Variants in MACF1 observed in about 807,000 individuals in gnomAD.
MACF1 encodes the protein microtubule actin crosslinking factor 1, also known as microtubule-actin cross-linking factor 1.
In MACF1, 193 loss-of-function variants were observed where a neutral mutation model predicts 854.8. The observed-to-expected ratio is 0.23, with a 90% confidence interval of 0.20 to 0.25. The LOEUF (loss-of-function observed/expected upper bound fraction) is 0.25. Ranked by LOEUF, MACF1 falls within the 10% of genes least tolerant of loss-of-function variation. The pLI, the probability that MACF1 is intolerant of heterozygous loss-of-function variation, is 1.00. For missense variants in MACF1, 7,722 were observed against 8,929.1 expected (o/e 0.86, Z 5.45); for synonymous variants, 3,185 against 3,226.7 (o/e 0.99, Z 0.44).
Position 39,356,622 on chromosome 1 carries a change from C to T in MACF1, c.11425-753C>T, listed in dbSNP as rs190683284. ...TCTTGACCTTGTGATCTGCCAGCCT[C>T]GGCCTCCCAAAGTACTGGGATTACA... On this transcript the variant is annotated intron_variant, in intron 44 of 100. Coordinates refer to ENST00000564288, the MANE Select transcript of MACF1 (RefSeq NM_001394062.1). Among the ~76,000 whole-genome samples the T allele has an allele frequency of 7.9e-4, 120 of 152,262 alleles. 3 individuals carry two copies. In the East Asian group the frequency reaches 0.018, roughly 23 times the overall value.
At chr1:39,225,801 A>G (rs1284138749) in intron 1 of MACF1, among the ~76,000 whole-genome samples, 10 of 152,206 alleles carry the variant, frequency 6.6e-5, no homozygotes, top group South Asian at 2.1e-4. Context: ...CTAACCTTCA[A>G]TGTTAGTCAG....
chr1:39,324,519 C>T, intron 34 of MACF1, 127 bp from the exon 35 acceptor site: 1 of 1,026,710 alleles, frequency 9.7e-7, no homozygotes, highest in Non-Finnish European at 1.4e-6. Context: ...TCAGCTGTAG[C>T]TCATTGGTGA....
chr1:39,443,738 ATACCT>A (rs1461343898), intron 79 of MACF1, among the ~76,000 whole-genome samples, 164 bp downstream of exon 79: 1 of 152,224 alleles, frequency 6.6e-6, no homozygotes, highest in Non-Finnish European at 1.5e-5. Flanking sequence ...CAGGCTTCTA[ATACCT>A]TACAGTAGGC....
At chr1:39,380,416 T>A in intron 55 of MACF1, 43 bp downstream of exon 55, 1 of 1,572,784 alleles carries the variant, frequency 6.4e-7, no homozygotes, top group Non-Finnish European at 8.6e-7. Context: ...AAGTTACTTG[T>A]CTTCAAAGCA....
At chr1:39,477,696 CAA>C (rs1644935434) in intron 97 of MACF1, among the ~76,000 whole-genome samples, 1 of 151,902 alleles carries the variant, frequency 6.6e-6, no homozygotes, top group Non-Finnish European at 1.5e-5. Flanking sequence ...GGTCGGGGGA[CAA>C]AGAGGACAAC....
At chr1:39,269,139 C>T in intron 6 of MACF1, 1 of 1,289,832 alleles carries the variant, frequency 7.8e-7, no homozygotes, top group Non-Finnish European at 1.0e-6. Flanking sequence ...TGCTCACCTG[C>T]TTGATAACCC....
intron 33 of MACF1, 44 bp from the exon 34 acceptor site, chr1:39,324,149 T>A: frequency 1.9e-6 from 3 of 1,551,102 alleles, no homozygotes; most frequent in Non-Finnish European, 1.7e-6. Context: ...GCCAGCCTAA[T>A]AAAAGACATT....
rs752954383 is a variant in MACF1, at chr1:39,428,262, T to C, written c.16778T>C (p.Leu5593Pro). ...GTAAAGGATTTCAAACAGGATGTCC[T>C]GCACAGGCAGCATGCTGACCACCTG... is the stretch of plus-strand genomic sequence containing the variant. ...VFVKDFKQDV[L>P]HRQHADHLAL... The change falls in exon 63 of 101, where the codon CTG becomes CCG. Residue 5593 changes from leucine to proline, a missense_variant. Around this residue, in one of 15 missense-constraint regions of MACF1, gnomAD observed 2,807 missense variants for 3,235.8 expected, o/e 0.87. Coordinates refer to ENST00000564288, the MANE Select transcript of MACF1 (RefSeq NM_001394062.1). 2 of 1,612,600 alleles carry C rather than the reference T, an allele frequency of 1.2e-6. No individual in the cohort carries two copies. The highest frequency in any genetic ancestry group is 2.7e-5 in the African/African-American group (2 of 75,050).
Position 39,424,104 on chromosome 1 carries a change from C to T in MACF1, c.16226C>T (p.Ser5409Leu), listed in dbSNP as rs1643648031. 2 of 1,612,852 alleles carry T rather than the reference C, an allele frequency of 1.2e-6. No homozygotes were observed. Among genetic ancestry groups the T allele is most frequent in the Non-Finnish European group, 1.7e-6 (2 of 1,179,854 alleles). Residue 5409 changes from serine (S) to leucine (L), a missense_variant, in exon 61 of 101, where the codon TCA becomes TTA. Physicochemically the swap from Ser to Leu is moderately radical, Grantham distance 145. Transcript: ENST00000564288. Reference protein sequence around the residue: ...LQAEGGRIAQSAELADREKIT... With the variant: ...LQAEGGRIAQLAELADREKIT... ...GCAGAAGGAGGCAGAATAGCCCAGT[C>T]AGCAGAGCTGGCTGATAGAGAGAAA... is the stretch of plus-strand genomic sequence containing the variant.
At chr1:39,259,173 C>T (rs886722951) in intron 6 of MACF1, among the ~76,000 whole-genome samples, 48 of 152,236 alleles carry the variant, frequency 3.2e-4, no homozygotes, top group African/African-American at 1.1e-3. Flanking sequence ...GTTTTTTGGT[C>T]ACAAACCTGC....
At chr1:39,282,919 T>A (rs1557561976) in intron 7 of MACF1, among the ~76,000 whole-genome samples, 1 of 152,208 alleles carries the variant, frequency 6.6e-6, no homozygotes, top group Admixed American at 6.5e-5. Context: ...TTAGTGGTCA[T>A]AAACATGCCC....
chr1:39,336,420 G>T lies in MACF1; in HGVS notation c.9832G>T (p.Gly3278Ter). The T allele has an allele frequency of 1.2e-6, 2 of 1,614,114 alleles. No individual in the cohort carries two copies. The highest frequency in any genetic ancestry group is 1.7e-6 in the Non-Finnish European group (2 of 1,180,024). The change falls in exon 37 of 101, where the codon GGA becomes TGA. Residue 3278 changes from glycine to a stop codon, truncating the protein, a stop_gained. Transcript: ENST00000564288. LOFTEE classifies it high-confidence loss of function. Reference sequence around the variant, plus strand: ...CTTTCTTCCAGAGAAACTGTTCAAAGGAGTGTCTCAAAAAGAGAATACAGG... The same window carrying T: ...CTTTCTTCCAGAGAAACTGTTCAAATGAGTGTCTCAAAAAGAGAATACAGG... ...GSFLPEKLFK[G>*]VSQKENTGQQ...
chr1:39,411,042 G>A (rs764271635), intron 58 of MACF1: 1 of 1,613,918 alleles, frequency 6.2e-7, no homozygotes, highest in Non-Finnish European at 8.5e-7. Flanking sequence ...GTGCAACCTG[G>A]CCGAGGGCCA....
chr1:39,282,094 GT>G lies in MACF1; in HGVS notation c.529-113del. 3.0e-6 allele frequency: 3 copies of G among 1,001,086 alleles called. No homozygotes were observed. The East Asian group carries it at 7.5e-5, about 25-fold the overall frequency. 62.0% of individuals were successfully genotyped at this position (1,001,086 alleles called of 1,614,324 possible). A position where few individuals can be genotyped will look rare whatever the true frequency, so the allele number is the denominator to read the frequency against. ...ATATATGTTGGAATAGTCCTCTAAA[GT>G]GCTTCCAGCCTTGGACCTTCGTTTT... On this transcript the variant is annotated intron_variant, in intron 6 of 100. Transcript: ENST00000564288.
At chr1:39,235,981 T>C (rs1052031624) in intron 2 of MACF1, among the ~76,000 whole-genome samples, 5 of 152,182 alleles carry the variant, frequency 3.3e-5, no homozygotes, top group African/African-American at 1.2e-4. Context: ...CAAGTAGTCC[T>C]CCCACCTTGG....
intron 47 of MACF1, among the ~76,000 whole-genome samples, chr1:39,360,213 GCCAT>G (rs1369231541): frequency 6.6e-6 from 1 of 150,848 alleles, no homozygotes; most frequent in Non-Finnish European, 1.5e-5. Context: ...GCTTAGCTTA[GCCAT>G]CCCACTCCTC....
At position 39,332,641 on chromosome 1, in the gene MACF1, G is replaced by A; in HGVS notation, c.6053G>A (p.Gly2018Glu). The A allele has an allele frequency of 6.2e-7, 1 of 1,614,210 alleles. No individual in the cohort carries two copies. Among genetic ancestry groups the A allele is most frequent in the South Asian group, 1.1e-5 (1 of 91,080 alleles). Residue 2018 changes from glycine (G) to glutamate (E), a missense_variant, in exon 37 of 101, where the codon GGA becomes GAA. By Grantham distance (98) the Gly-to-Glu change is moderately conservative. Transcript: ENST00000564288. ...IGHQRQKTPE[G>E]LQESANVKIS... ...CATCAAAGGCAAAAAACTCCTGAGG[G>A]ATTGCAAGAATCAGCTAATGTGAAA...
In MACF1 at chr1:39,254,360, C is replaced by T; in HGVS notation, c.420C>T (p.Phe140=). Residue 140 remains phenylalanine (F), a synonymous_variant, in exon 5 of 101, where the codon TTC becomes TTT. Transcript: ENST00000564288. ...AGAATGTGCAGATTGCCCTGGACTT[C>T]CTAAAGCAGCGACAGGTAAGACCAT... ...RLQNVQIALD[F]LKQRQVKLVN... 1 of 1,614,138 alleles carries T rather than the reference C, an allele frequency of 6.2e-7. No individual in the cohort carries two copies.
intron 1 of MACF1, among the ~76,000 whole-genome samples, chr1:39,205,797 A>G (rs2148268264): frequency 6.6e-6 from 1 of 152,212 alleles, no homozygotes; most frequent in African/African-American, 2.4e-5. Context: ...TAATTAAAAA[A>G]AAAATTTTTT....
Sources: gnomAD v4.1 joint callset for allele counts (sites outside exome capture counted in the v4.1 genomes callset) on GRCh38, gnomAD v4.1.1 for gene constraint, gnomAD v4.1.1 regional missense constraint, MANE v1.5 for transcripts, NCBI Gene and HGNC (gene_info 2026-07-23, HGNC 2026-07-21) for gene names.